Variants in AGBL1 observed in about 807,000 individuals in gnomAD.
AGBL1 encodes the protein AGBL carboxypeptidase 1.
Under a neutral mutation model 118.9 loss-of-function variants are expected in AGBL1, and 130 were observed. The ratio of observed to expected loss-of-function variants is 1.09; its 90% CI spans 0.95 to 1.26. AGBL1 has a LOEUF of 1.26. Ranked by LOEUF, AGBL1 falls within the 50% of genes most tolerant of loss-of-function variation. AGBL1 has a pLI of 0.00. For missense variants in AGBL1, 1,584 were observed against 1,298.1 expected, an observed-to-expected ratio of 1.22 and a Z score of -3.38; for synonymous variants, 555 against 478.9, an observed-to-expected ratio of 1.16 and a Z score of -2.08.
chr15:86,156,763 T>C (rs988729738), intron 4 of AGBL1, among the ~76,000 whole-genome samples: 1 of 148,316 alleles, frequency 6.7e-6, no homozygotes, highest in African/African-American at 2.6e-5. Flanking sequence ...ATGCCTGATT[T>C]TTTTTCTTTT....
intron 17 of AGBL1, among the ~76,000 whole-genome samples, chr15:86,350,391 T>C (rs1355049929): frequency 6.6e-6 from 1 of 152,198 alleles, no homozygotes; most frequent in Admixed American, 6.5e-5. Flanking sequence ...TGAGTGGTTG[T>C]TTGACAAATC....
At chr15:86,552,455 G>T (rs74025190) in intron 20 of AGBL1, among the ~76,000 whole-genome samples, 164 of 152,290 alleles carry the variant, frequency 1.1e-3, no homozygotes, top group African/African-American at 3.7e-3. Flanking sequence ...AAAGCTATTT[G>T]CCAGTATTAT....
intron 1 of AGBL1, among the ~76,000 whole-genome samples, chr15:86,085,921 A>G (rs764360687): frequency 1.3e-5 from 2 of 152,196 alleles, no homozygotes; most frequent in Non-Finnish European, 2.9e-5. Flanking sequence ...TCAAATTGAG[A>G]GCAGTTGGCA....
chr15:86,169,850 C>A (rs773464082), intron 5 of AGBL1, among the ~76,000 whole-genome samples: 6 of 152,128 alleles, frequency 3.9e-5, no homozygotes, highest in Non-Finnish European at 8.8e-5. Flanking sequence ...TCTGGTCCTG[C>A]CAAACAAATA....
chr15:86,414,585 T>G (rs1277956404), intron 18 of AGBL1, among the ~76,000 whole-genome samples: 1 of 152,190 alleles, frequency 6.6e-6, no homozygotes, highest in East Asian at 1.9e-4. Context: ...CAAACAATTT[T>G]GGGTAAACAA....
chr15:86,864,962 G>A (rs777239523), intron 22 of AGBL1, among the ~76,000 whole-genome samples: 20 of 152,054 alleles, frequency 1.3e-4, no homozygotes, highest in Non-Finnish European at 2.2e-4. Flanking sequence ...AAATCATTAC[G>A]TTTGTTTTCT....
chr15:86,275,794 C>T lies in AGBL1; in HGVS notation c.2076-3845C>T, dbSNP rs187651534. ...ATCCAGCTAATCTTCAAGATCACTC[C>T]TGATTTTCACCAGGCTGCTTCTCCA... On this transcript the variant is annotated intron_variant, in intron 15 of 22. Coordinates refer to ENST00000614907, the MANE Select transcript of AGBL1 (RefSeq NM_001386094.1). Among the ~76,000 whole-genome samples, 459 of 152,304 alleles carry T rather than the reference C, an allele frequency of 3.0e-3. 1 individual carries two copies. The highest frequency in any genetic ancestry group is 4.6e-3 in the Non-Finnish European group (312 of 68,022).
intron 24 of AGBL1, among the ~76,000 whole-genome samples, chr15:87,006,592 C>G (rs1396832819): frequency 2.0e-5 from 3 of 152,198 alleles, no homozygotes; most frequent in Non-Finnish European, 4.4e-5. Context: ...TCATCTGTCA[C>G]AGCTTTGCTT....
chr15:86,759,191 A>G (rs927118968), intron 22 of AGBL1, among the ~76,000 whole-genome samples: 1 of 152,134 alleles, frequency 6.6e-6, no homozygotes, highest in Non-Finnish European at 1.5e-5. Flanking sequence ...ATAATATGGG[A>G]TTAATTTATG....
chr15:86,703,430 G>A lies in AGBL1; in HGVS notation c.3158+28994G>A, dbSNP rs1247893599. The stretch of plus-strand genomic sequence containing the variant: ...ACATTGTTTATGTTTCCATTTCCGA[G>A]TCCATCAAATAGGAATAATAATAGT... On this transcript the variant is annotated intron_variant, in intron 22 of 22. Coordinates refer to ENST00000614907, the MANE Select transcript of AGBL1 (RefSeq NM_001386094.1). Among the ~76,000 whole-genome samples, 3 of 152,040 alleles carry A rather than the reference G, an allele frequency of 2.0e-5. No homozygotes were observed. The East Asian group carries it at 5.8e-4, about 29-fold the overall frequency.
At position 86,729,333 on chromosome 15, in the gene AGBL1, T is replaced by C. The variant is rs115225306; in HGVS notation, c.3158+54897T>C. ...GAGGCACACATGCAGGTTTGTTATG[T>C]GTATAAATTGTGTGTCACTGAGGTT... On this transcript the variant is annotated intron_variant, in intron 22 of 22. Coordinates refer to ENST00000614907, the MANE Select transcript of AGBL1 (RefSeq NM_001386094.1). Among the ~76,000 whole-genome samples the C allele has an allele frequency of 7.5e-3, 1,143 of 152,286 alleles. 5 individuals are homozygous for C. The highest frequency in any genetic ancestry group is 0.024 in the African/African-American group (977 of 41,574).
At chr15:86,725,586 G>T (rs765284299) in intron 22 of AGBL1, among the ~76,000 whole-genome samples, 7 of 152,206 alleles carry the variant, frequency 4.6e-5, no homozygotes, top group African/African-American at 7.2e-5. Flanking sequence ...GAATCTGCCT[G>T]TGTGCATGTG....
intron 22 of AGBL1, among the ~76,000 whole-genome samples, chr15:86,787,460 G>A (rs1411190737): frequency 6.6e-6 from 1 of 151,944 alleles, no homozygotes; most frequent in African/African-American, 2.4e-5. Context: ...TGCTGTTCTA[G>A]TCTCTGTTTC....
At position 86,357,857 on chromosome 15, in the gene AGBL1, A is replaced by G. The variant is rs1198681852; in HGVS notation, c.2375-39509A>G. ...CATGCACAGGCCTTAAACTCTTAAC[A>G]TATGACTCTTCTTGCCCCTCACGTT... On this transcript the variant is annotated intron_variant, in intron 17 of 22. Transcript: ENST00000614907. Among the ~76,000 whole-genome samples, 13 of 152,242 alleles carry G rather than the reference A, an allele frequency of 8.5e-5. No homozygotes were observed. In the South Asian group the frequency reaches 1.7e-3, roughly 19 times the overall value.
At chr15:86,680,341 G>T (rs557908834) in intron 22 of AGBL1, among the ~76,000 whole-genome samples, 1 of 151,896 alleles carries the variant, frequency 6.6e-6, no homozygotes, top group African/African-American at 2.4e-5. Flanking sequence ...GTAAATCAAT[G>T]GAGTTTTTTG....
At chr15:86,334,129 A>G (rs1022554234) in intron 17 of AGBL1, among the ~76,000 whole-genome samples, 2 of 152,200 alleles carry the variant, frequency 1.3e-5, no homozygotes, top group African/African-American at 4.8e-5. Flanking sequence ...CAAGATCAGG[A>G]TGCCCTCTCT....
intron 17 of AGBL1, among the ~76,000 whole-genome samples, chr15:86,388,219 C>T (rs1277867560): frequency 6.6e-6 from 1 of 152,114 alleles, no homozygotes; most frequent in East Asian, 1.9e-4. Flanking sequence ...GATTATTAGC[C>T]GTGATTACCT....
At chr15:86,434,966 A>G (rs2081983429) in intron 18 of AGBL1, among the ~76,000 whole-genome samples, 1 of 152,164 alleles carries the variant, frequency 6.6e-6, no homozygotes, top group African/African-American at 2.4e-5. Flanking sequence ...AAAGCTTACA[A>G]ATTAGGGTGT....
chr15:86,153,161 G>A (rs1033464332), intron 3 of AGBL1, among the ~76,000 whole-genome samples: 2 of 152,152 alleles, frequency 1.3e-5, no homozygotes, highest in Non-Finnish European at 2.9e-5. Context: ...CCATTACTGA[G>A]TATATACCCA....
Sources: gnomAD v4.1 joint callset for allele counts (sites outside exome capture counted in the v4.1 genomes callset) on GRCh38, gnomAD v4.1.1 for gene constraint, MANE v1.5 for transcripts, NCBI Gene and HGNC (gene_info 2026-07-23, HGNC 2026-07-21) for gene names.